Variants in MUCL1 observed in about 807,000 individuals in gnomAD.
MUCL1 encodes mucin-like protein 1.
Under a neutral mutation model 9.2 loss-of-function variants are expected in MUCL1, and 11 were observed. The observed-to-expected ratio is 1.19, with a 90% CI of 0.75 to 1.97. MUCL1 has a LOEUF of 1.97. Among genes scored for constraint, MUCL1 ranks in the 30% most tolerant of loss-of-function variants. The pLI, the probability that MUCL1 is intolerant of heterozygous loss-of-function variation, is 0.00. For missense variants in MUCL1, 144 were observed against 110.9 expected, an observed-to-expected ratio of 1.30 and a Z score of -1.34; for synonymous variants, 48 against 40.5, an observed-to-expected ratio of 1.19 and a Z score of -0.71.
upstream of MUCL1, among the ~76,000 whole-genome samples, chr12:54,852,008 G>C (rs1177498662): frequency 6.6e-6 from 1 of 152,096 alleles, no homozygotes; most frequent in Non-Finnish European, 1.5e-5. Context: ...AATAAAAGAG[G>C]ATACAAACAA....
upstream of MUCL1, among the ~76,000 whole-genome samples, chr12:54,835,708 T>C (rs1370829710): frequency 6.6e-6 from 1 of 151,946 alleles, no homozygotes; most frequent in Admixed American, 6.6e-5. Context: ...ATGCTGACTG[T>C]GGATTTGTCA....
At chr12:54,833,734 C>T (rs1959188549) in intron 1 of MUCL1, among the ~76,000 whole-genome samples, 1 of 150,450 alleles carries the variant, frequency 6.6e-6, no homozygotes, top group Admixed American at 6.7e-5. Context: ...AAAAACCAAA[C>T]ACCGCATGTT....
upstream of MUCL1, among the ~76,000 whole-genome samples, chr12:54,852,969 C>T (rs1391791338): frequency 6.6e-6 from 1 of 152,104 alleles, no homozygotes; most frequent in Non-Finnish European, 1.5e-5. Context: ...TGAGTTTACC[C>T]AGGACAAGGA....
intron 1 of MUCL1, among the ~76,000 whole-genome samples, chr12:54,848,619 G>C (rs1278736472): frequency 6.6e-6 from 1 of 152,104 alleles, no homozygotes; most frequent in Non-Finnish European, 1.5e-5. Flanking sequence ...AAATGCAATA[G>C]ATAAAAAGAT....
chr12:54,832,395 G>A (rs144435716), intron 1 of MUCL1, among the ~76,000 whole-genome samples: 106 of 152,122 alleles, frequency 7.0e-4, no homozygotes, highest in African/African-American at 2.5e-3. Flanking sequence ...CCAATGTTTT[G>A]TGTCTTTTCT....
At chr12:54,857,985 C>T (rs1257571381) in intron 3 of MUCL1, among the ~76,000 whole-genome samples, 1 of 152,142 alleles carries the variant, frequency 6.6e-6, no homozygotes, top group Non-Finnish European at 1.5e-5. Flanking sequence ...TCCAACCTAC[C>T]TGGGCTTCCG....
rs756777875 is a variant in MUCL1, at chr12:54,845,471, G to A, written c.43+6024G>A. Among the ~76,000 whole-genome samples, 14 of 152,072 alleles carry A rather than the reference G, an allele frequency of 9.2e-5. No homozygotes were observed. In the East Asian group the frequency reaches 9.7e-4, roughly 10 times the overall value. ...TTGGTTAATGCAAAGAGGTGGCGACGGTTTCCTGTCTCTTAAGTCTGTTCT... is the reference window on the plus strand; with the variant it reads ...TTGGTTAATGCAAAGAGGTGGCGACAGTTTCCTGTCTCTTAAGTCTGTTCT... On this transcript the variant is annotated intron_variant, in intron 1 of 3. Coordinates refer to the MUCL1 transcript ENST00000546809.
chr12:54,855,018 C>A, intron 1 of MUCL1, 98 bp from the exon 2 acceptor site: 1 of 1,006,620 alleles, frequency 9.9e-7, no homozygotes, highest in Admixed American at 2.0e-5. Context: ...TGAGGGTCTT[C>A]CATTGTAAAG....
chr12:54,842,083 A>G (rs1295991730), intron 1 of MUCL1, among the ~76,000 whole-genome samples: 1 of 152,126 alleles, frequency 6.6e-6, no homozygotes, highest in Non-Finnish European at 1.5e-5. Flanking sequence ...AATTTATGCA[A>G]TTGCCTTCAA....
chr12:54,850,537 A>G (rs1592248630), upstream of MUCL1, among the ~76,000 whole-genome samples: 1 of 151,778 alleles, frequency 6.6e-6, no homozygotes, highest in East Asian at 1.9e-4. Flanking sequence ...TATGTGCCAC[A>G]TTTTCTTAAT....
intron 1 of MUCL1, among the ~76,000 whole-genome samples, chr12:54,833,148 C>T (rs1959187586): frequency 6.6e-6 from 1 of 152,000 alleles, no homozygotes. Context: ...GTCCTTTTTC[C>T]TTGGCTTTTT....
At chr12:54,845,595 T>C (rs1205859321) in intron 1 of MUCL1, among the ~76,000 whole-genome samples, 4 of 152,084 alleles carry the variant, frequency 2.6e-5, no homozygotes, top group African/African-American at 9.7e-5. Context: ...TCCAGCTGAC[T>C]CTGGGGTTAC....
chr12:54,852,537 T>C (rs561733597), upstream of MUCL1, among the ~76,000 whole-genome samples: 1 of 152,286 alleles, frequency 6.6e-6, no homozygotes, highest in African/African-American at 2.4e-5. Flanking sequence ...ATATCAAACT[T>C]TAGAAATTCT....
intron 1 of MUCL1, among the ~76,000 whole-genome samples, chr12:54,842,586 T>C (rs934540367): frequency 2.0e-5 from 3 of 152,146 alleles, no homozygotes; most frequent in Admixed American, 6.5e-5. Context: ...ACGTACATTG[T>C]TATAGTCACC....
At chr12:54,834,735 A>G (rs1959190110), upstream of MUCL1, among the ~76,000 whole-genome samples, 1 of 151,964 alleles carries the variant, frequency 6.6e-6, no homozygotes, top group Admixed American at 6.6e-5. Flanking sequence ...TTATATACTA[A>G]AAATAAATAT....
rs150509379 is a variant in MUCL1, at chr12:54,839,603, C to T, written c.43+156C>T. Among the ~76,000 whole-genome samples the T allele has an allele frequency of 4.6e-3, 700 of 152,272 alleles. 28 individuals carry two copies. Among genetic ancestry groups the T allele is most frequent in the Admixed American group, 0.043 (657 of 15,296 alleles). ...AGTCGCAGGAAAATGATTTGCCTCC[C>T]AGTCACACTGCTGACCAGTGTTTCA... On this transcript the variant is annotated intron_variant, in intron 1 of 3. Transcript: ENST00000546809.
intron 1 of MUCL1, among the ~76,000 whole-genome samples, chr12:54,841,458 A>C (rs935543860): frequency 1.3e-5 from 2 of 152,178 alleles, no homozygotes; most frequent in Non-Finnish European, 2.9e-5. Flanking sequence ...TCACTCCTAC[A>C]AACAGTATAC....
At chr12:54,836,790 C>T (rs2121481475), upstream of MUCL1, among the ~76,000 whole-genome samples, 1 of 152,232 alleles carries the variant, frequency 6.6e-6, no homozygotes, top group East Asian at 1.9e-4. Flanking sequence ...CAACTATTAT[C>T]ATTCATTTTG....
At chr12:54,848,002 C>G (rs962770560) in intron 1 of MUCL1, among the ~76,000 whole-genome samples, 1 of 150,674 alleles carries the variant, frequency 6.6e-6, no homozygotes, top group African/African-American at 2.4e-5. Flanking sequence ...TCCCATCATC[C>G]TAGGACTTCC....
Sources: allele counts gnomAD v4.1 joint callset (sites outside exome capture counted in the v4.1 genomes callset), GRCh38; gene constraint gnomAD v4.1.1; transcripts MANE v1.5; gene names NCBI Gene and HGNC (gene_info 2026-07-23, HGNC 2026-07-21).